PRKCB: variants seen among roughly 807,000 people sequenced by gnomAD.
PRKCB encodes protein kinase C beta type.
In PRKCB, 13 loss-of-function variants were observed where a neutral mutation model predicts 81.5. The ratio of observed to expected loss-of-function variants is 0.16; its 90% CI spans 0.10 to 0.25. PRKCB has a LOEUF of 0.25. Among genes scored for constraint, PRKCB ranks in the 10% least tolerant of loss-of-function variants. The pLI, the probability that PRKCB is intolerant of heterozygous loss-of-function variation, is 1.00. For missense variants in PRKCB, 509 were observed against 875.7 expected (o/e 0.58, Z 5.29); for synonymous variants, 335 against 321.4 (o/e 1.04, Z -0.45).
chr16:23,947,618 G>A (rs1291717848), intron 2 of PRKCB, among the ~76,000 whole-genome samples: 1 of 152,180 alleles, frequency 6.6e-6, no homozygotes, highest in African/African-American at 2.4e-5. Flanking sequence ...CTGGGCTCCA[G>A]TGGGGGTCTT....
chr16:23,851,347 C>T (rs1962470115), intron 2 of PRKCB, among the ~76,000 whole-genome samples: 1 of 152,140 alleles, frequency 6.6e-6, no homozygotes, highest in African/African-American at 2.4e-5. Context: ...CTGTCCTTTC[C>T]CTCATTGTGT....
intron 5 of PRKCB, among the ~76,000 whole-genome samples, chr16:24,068,326 G>A (rs887503947): frequency 2.0e-5 from 3 of 151,966 alleles, no homozygotes; most frequent in East Asian, 1.9e-4. Context: ...CTATGATTTG[G>A]CCCCTCAAGT....
intron 12 of PRKCB, among the ~76,000 whole-genome samples, chr16:24,176,696 C>T (rs1596583673): frequency 6.6e-6 from 1 of 152,054 alleles, no homozygotes; most frequent in Non-Finnish European, 1.5e-5. Context: ...AGTTGGTGAC[C>T]AGCCTGGCTA....
At chr16:24,045,795 G>C (rs1005574005) in intron 5 of PRKCB, among the ~76,000 whole-genome samples, 1 of 152,172 alleles carries the variant, frequency 6.6e-6, no homozygotes, top group African/African-American at 2.4e-5. Flanking sequence ...TGTAACATTC[G>C]AGCAGCCCTG....
rs1967370058 is a variant in PRKCB, at chr16:24,167,715, T to C, written c.1240-4555T>C. Among the ~76,000 whole-genome samples the C allele has an allele frequency of 2.0e-5, 3 of 152,336 alleles. No homozygotes were observed. In the South Asian group the frequency reaches 6.2e-4, roughly 32 times the overall value. Reference sequence around the variant, plus strand: ...CACATCCACACATCCATACAATGTCTAGCTCAGAACCTTTCACACAAGATG... The same window carrying C: ...CACATCCACACATCCATACAATGTCCAGCTCAGAACCTTTCACACAAGATG... On this transcript the variant is annotated intron_variant, in intron 10 of 16. Coordinates refer to ENST00000643927, the MANE Select transcript of PRKCB (RefSeq NM_002738.7).
At chr16:24,168,125 A>G (rs1967375635) in intron 10 of PRKCB, among the ~76,000 whole-genome samples, 1 of 151,524 alleles carries the variant, frequency 6.6e-6, no homozygotes. Flanking sequence ...GGTGAATTAA[A>G]TGCTTGTTAT....
At chr16:24,176,339 G>A (rs1205318293) in intron 12 of PRKCB, among the ~76,000 whole-genome samples, 1 of 152,170 alleles carries the variant, frequency 6.6e-6, no homozygotes, top group African/African-American at 2.4e-5. Flanking sequence ...CTTGAGCCCA[G>A]GAGTTCGAAA....
At chr16:23,934,416 G>A (rs193258410) in intron 2 of PRKCB, among the ~76,000 whole-genome samples, 167 of 151,546 alleles carry the variant, frequency 1.1e-3, no homozygotes, top group African/African-American at 3.6e-3. Context: ...GGCTTCAGGC[G>A]TGGCTTTGTG....
Position 24,219,657 on chromosome 16 carries a change from CACACACACACACACACACA to C in PRKCB, c.*4842_*4860del, listed in dbSNP as rs1968290701. On this transcript the variant is annotated 3_prime_UTR_variant, in exon 17 of 17. Transcript: ENST00000643927. ...CCTAAAGCCAAAGAAAATACAGCAA[CACACACACACACACACACA>C]CACACACACACACACACACACACAC... 1.9e-4 allele frequency: 119 copies of C among 633,274 alleles called. No homozygotes were observed. Among genetic ancestry groups the C allele is most frequent in the African/African-American group, 1.7e-3 (80 of 47,050 alleles). The allele number at this position is 633,274 out of a possible 1,614,324, so 39.2% of individuals were successfully genotyped here.
chr16:23,958,552 C>G (rs1174255340), intron 2 of PRKCB, among the ~76,000 whole-genome samples: 1 of 152,066 alleles, frequency 6.6e-6, no homozygotes, highest in Non-Finnish European at 1.5e-5. Context: ...ATCCACCCAC[C>G]TCGGCCTCCC....
intron 2 of PRKCB, among the ~76,000 whole-genome samples, chr16:23,908,204 C>T (rs937826242): frequency 6.6e-6 from 1 of 151,848 alleles, no homozygotes; most frequent in African/African-American, 2.4e-5. Flanking sequence ...AGAGCTGGGG[C>T]GGCGGGGATT....
chr16:24,192,176 G>A (rs931534008), intron 16 of PRKCB, among the ~76,000 whole-genome samples: 4 of 152,224 alleles, frequency 2.6e-5, no homozygotes, highest in Admixed American at 6.5e-5. Context: ...GAGCACTTAC[G>A]TGCTAGGCAC....
chr16:23,989,397 C>G (rs546245928), intron 3 of PRKCB, among the ~76,000 whole-genome samples: 6 of 152,256 alleles, frequency 3.9e-5, no homozygotes, highest in African/African-American at 1.4e-4. Flanking sequence ...TTAGGGTGTT[C>G]CTAATATCAG....
At chr16:24,211,807 G>A (rs993339644) in intron 16 of PRKCB, among the ~76,000 whole-genome samples, 6 of 152,042 alleles carry the variant, frequency 3.9e-5, no homozygotes, top group Admixed American at 1.3e-4. Flanking sequence ...TGATCCACCC[G>A]CCTCGGCTTC....
At chr16:23,991,106 T>C (rs1964881443) in intron 3 of PRKCB, among the ~76,000 whole-genome samples, 1 of 152,242 alleles carries the variant, frequency 6.6e-6, no homozygotes, top group South Asian at 2.1e-4. Context: ...GACTATCTTC[T>C]GTCATTGGAT....
chr16:24,118,781 G>A (rs552679483), intron 8 of PRKCB, among the ~76,000 whole-genome samples: 1 of 152,252 alleles, frequency 6.6e-6, no homozygotes, highest in South Asian at 2.1e-4. Context: ...CAAGATAAAG[G>A]ACGAGTTTAA....
chr16:24,210,415 C>G (rs28393307), intron 16 of PRKCB, among the ~76,000 whole-genome samples: 1,945 of 152,184 alleles, frequency 0.013, 48 homozygotes, highest in African/African-American at 0.044. Flanking sequence ...GGCACCCTCT[C>G]TCACTTCACT....
chr16:24,136,633 T>C (rs184590781), intron 9 of PRKCB, among the ~76,000 whole-genome samples: 2 of 152,248 alleles, frequency 1.3e-5, no homozygotes, highest in East Asian at 3.9e-4. Flanking sequence ...CCTAGGAATC[T>C]AAAATCCCGG....
chr16:24,193,542 G>A lies in PRKCB; in HGVS notation c.1863+2312G>A, dbSNP rs11643966. ...GCCCAGGCTAGTCTCAAATTCCTGG[G>A]CTCAAGTGATCCTCCAAAAACCTCA... On this transcript the variant is annotated intron_variant, in intron 16 of 16. Coordinates refer to ENST00000643927, the MANE Select transcript of PRKCB (RefSeq NM_002738.7). Among the ~76,000 whole-genome samples the A allele has an allele frequency of 5.2e-3, 794 of 152,050 alleles. 2 individuals are homozygous for A. Among genetic ancestry groups the A allele is most frequent in the Admixed American group, 0.01 (155 of 15,272 alleles).
Sources: allele counts gnomAD v4.1 joint callset (sites outside exome capture counted in the v4.1 genomes callset), GRCh38; gene constraint gnomAD v4.1.1; transcripts MANE v1.5; gene names NCBI Gene and HGNC (gene_info 2026-07-23, HGNC 2026-07-21).